Variants in EIF3H observed in about 807,000 individuals in gnomAD.
The protein encoded by EIF3H is eukaryotic translation initiation factor 3 subunit H.
In EIF3H, 26 loss-of-function variants were observed where a neutral mutation model predicts 44.2. The ratio of observed to expected loss-of-function variants is 0.59; its 90% CI spans 0.43 to 0.82. The LOEUF is 0.82. EIF3H is among the 40% of genes least tolerant of loss of function. EIF3H has a pLI of 0.00. For synonymous variants in EIF3H, 166 were observed against 151.9 expected, an observed-to-expected ratio of 1.09 and a Z score of -0.68; for missense variants, 359 against 432.8, an observed-to-expected ratio of 0.83 and a Z score of 1.51.
chr8:116,758,862 C>T (rs1027188369), upstream of EIF3H, among the ~76,000 whole-genome samples: 4 of 152,134 alleles, frequency 2.6e-5, no homozygotes, highest in Non-Finnish European at 5.9e-5. Context: ...ATGTGTGGGG[C>T]ACAGATACAT....
intron 1 of EIF3H, among the ~76,000 whole-genome samples, chr8:116,731,468 C>T (rs886318481): frequency 6.6e-6 from 1 of 152,158 alleles, no homozygotes; most frequent in African/African-American, 2.4e-5. Context: ...TTTGTTGTAA[C>T]TCCTCAGGTG....
intron 1 of EIF3H, among the ~76,000 whole-genome samples, chr8:116,744,380 A>T (rs1039698959): frequency 2.0e-5 from 3 of 152,188 alleles, no homozygotes; most frequent in Admixed American, 6.5e-5. Flanking sequence ...AAATATATAT[A>T]TTTTGACTAA....
intron 2 of EIF3H, among the ~76,000 whole-genome samples, chr8:116,707,074 C>T (rs1814484156): frequency 6.6e-6 from 1 of 152,126 alleles, no homozygotes; most frequent in Non-Finnish European, 1.5e-5. Context: ...ACATGTTATT[C>T]CAGAGACAAG....
At chr8:116,732,654 CTCATTCATTCAT>C (rs67330220) in intron 1 of EIF3H, among the ~76,000 whole-genome samples, 1 of 151,296 alleles carries the variant, frequency 6.6e-6, no homozygotes, top group South Asian at 2.1e-4. Context: ...CTTTCATTCC[CTCATTCATTCAT>C]TCATTCATTC....
At chr8:116,711,524 T>C (rs1256440327) in intron 2 of EIF3H, among the ~76,000 whole-genome samples, 2 of 152,164 alleles carry the variant, frequency 1.3e-5, no homozygotes, top group African/African-American at 4.8e-5. Flanking sequence ...TGAGTACATT[T>C]AAAGTATTGG....
chr8:116,757,178 C>T (rs1429416565), upstream of EIF3H, among the ~76,000 whole-genome samples: 2 of 152,116 alleles, frequency 1.3e-5, no homozygotes, highest in South Asian at 2.1e-4. Flanking sequence ...TTTGCAGCCA[C>T]GTGTGCTAAA....
At chr8:116,646,344 T>G (rs1813298186) in intron 7 of EIF3H, 127 bp downstream of exon 7, 2 of 1,398,278 alleles carry the variant, frequency 1.4e-6, no homozygotes, top group Non-Finnish European at 2.0e-6. Context: ...TAGATTCAAA[T>G]TCATCCTGCA....
chr8:116,744,824 C>A (rs977624973), intron 1 of EIF3H, among the ~76,000 whole-genome samples: 1 of 152,164 alleles, frequency 6.6e-6, no homozygotes, highest in Non-Finnish European at 1.5e-5. Flanking sequence ...ATCTAAGAAA[C>A]GACCTATGGT....
At chr8:116,728,748 G>C (rs1312841904) in intron 1 of EIF3H, among the ~76,000 whole-genome samples, 2 of 152,260 alleles carry the variant, frequency 1.3e-5, no homozygotes, top group Admixed American at 1.3e-4. Flanking sequence ...AGTCATACAA[G>C]TATGGGTATG....
In EIF3H at chr8:116,755,724, C is replaced by A. The variant is rs1225620298; in HGVS notation, c.74G>T (p.Gly25Val). The A allele has an allele frequency of 6.2e-7, 1 of 1,614,176 alleles. No homozygotes were observed. Among genetic ancestry groups the A allele is most frequent in the Non-Finnish European group, 8.5e-7 (1 of 1,180,032 alleles). ...ATCTCCCGAGCCGCCTTTGCCTTTGCCTTTCCCTGCTGCGCCGGCGGTGGA... is the reference window on the plus strand; with the variant it reads ...ATCTCCCGAGCCGCCTTTGCCTTTGACTTTCCCTGCTGCGCCGGCGGTGGA... ...SSSTAGAAGK[G>V]KGKGGSGDSA... Residue 25 changes from glycine (G) to valine (V), a missense_variant, in exon 1 of 8, where the codon GGC (glycine) becomes GTC (valine). Coordinates refer to ENST00000521861, the MANE Select transcript of EIF3H (RefSeq NM_003756.3).
intron 2 of EIF3H, among the ~76,000 whole-genome samples, chr8:116,706,299 C>T (rs1814469069): frequency 6.6e-6 from 1 of 152,140 alleles, no homozygotes; most frequent in South Asian, 2.1e-4. Flanking sequence ...ACAGATTAAC[C>T]TTCTGAAAGT....
chr8:116,733,216 T>C (rs1177827290), intron 1 of EIF3H, among the ~76,000 whole-genome samples: 2 of 152,248 alleles, frequency 1.3e-5, no homozygotes, highest in South Asian at 2.1e-4. Flanking sequence ...GGAGAAAGTA[T>C]TGGAGGTTAG....
chr8:116,659,886 T>G (rs568158031), intron 2 of EIF3H, among the ~76,000 whole-genome samples: 1 of 151,864 alleles, frequency 6.6e-6, no homozygotes, highest in Non-Finnish European at 1.5e-5. Context: ...TCTATTATTA[T>G]TTATTATTAT....
At chr8:116,691,361 G>A (rs1037362576) in intron 2 of EIF3H, among the ~76,000 whole-genome samples, 2 of 152,052 alleles carry the variant, frequency 1.3e-5, no homozygotes, top group Non-Finnish European at 2.9e-5. Context: ...AAGAGGAGTG[G>A]GGGGAGGTGC....
At chr8:116,679,273 C>T (rs1446249332) in intron 2 of EIF3H, among the ~76,000 whole-genome samples, 14 of 48,676 alleles carry the variant, frequency 2.9e-4, no homozygotes, top group Admixed American at 2.9e-4. Context: ...GCCCGGCCAG[C>T]CGCCCCGTCC....
At chr8:116,727,455 A>G (rs1350661147) in intron 1 of EIF3H, among the ~76,000 whole-genome samples, 1 of 152,216 alleles carries the variant, frequency 6.6e-6, no homozygotes, top group African/African-American at 2.4e-5. Context: ...CGCCAGAGAT[A>G]AAGAAGCCAA....
At chr8:116,760,554 TC>T (rs1278902659), upstream of EIF3H, among the ~76,000 whole-genome samples, 1 of 152,234 alleles carries the variant, frequency 6.6e-6, no homozygotes, top group Non-Finnish European at 1.5e-5. Context: ...GGACTTTTCA[TC>T]CCAGTATTTT....
At chr8:116,715,350 A>C (rs866741409) in intron 2 of EIF3H, among the ~76,000 whole-genome samples, 7 of 152,074 alleles carry the variant, frequency 4.6e-5, no homozygotes, top group African/African-American at 1.4e-4. Flanking sequence ...TGAAAAAAAA[A>C]CAGATAAAAG....
chr8:116,673,347 G>T (rs917364850), intron 2 of EIF3H, among the ~76,000 whole-genome samples: 4 of 152,070 alleles, frequency 2.6e-5, no homozygotes, highest in Non-Finnish European at 4.4e-5. Flanking sequence ...ATTTGATTCC[G>T]ATCCTTTAAA....
Sources: allele counts gnomAD v4.1 joint callset (sites outside exome capture counted in the v4.1 genomes callset), GRCh38; gene constraint gnomAD v4.1.1; transcripts MANE v1.5; gene names NCBI Gene and HGNC (gene_info 2026-07-23, HGNC 2026-07-21).